PARN: variants seen among roughly 807,000 people sequenced by gnomAD.
PARN encodes the protein poly(A)-specific ribonuclease.
PARN carries 71 observed loss-of-function variants against 102.8 expected under a neutral mutation model. The ratio of observed to expected loss-of-function variants is 0.69; its 90% CI spans 0.57 to 0.84. The LOEUF (loss-of-function observed/expected upper bound fraction) is 0.84, where lower values mean the gene tolerates loss of function less well. Ranked by LOEUF, PARN falls within the 40% of genes least tolerant of loss-of-function variation. The probability of loss-of-function intolerance (pLI) is 0.00; values close to 1 mark genes in which losing one functional copy is unlikely to be tolerated. For synonymous variants in PARN, 261 were observed against 252.9 expected, an observed-to-expected ratio of 1.03 and a Z score of -0.30; for missense variants, 782 against 760.9, an observed-to-expected ratio of 1.03 and a Z score of -0.33.
intron 18 of PARN, among the ~76,000 whole-genome samples, chr16:14,577,184 G>A (rs1969196549): frequency 6.6e-6 from 1 of 152,172 alleles, no homozygotes; most frequent in African/African-American, 2.4e-5. Context: ...AAAGACTGGT[G>A]TCAAAATAAA....
intron 22 of PARN, among the ~76,000 whole-genome samples, chr16:14,464,034 G>A (rs1301545181): frequency 1.3e-5 from 2 of 152,024 alleles, no homozygotes; most frequent in Admixed American, 1.3e-4. Flanking sequence ...GAAGAGACAG[G>A]GTTTTGCCAT....
At chr16:14,595,148 G>A (rs540375587) in intron 12 of PARN, among the ~76,000 whole-genome samples, 1 of 152,212 alleles carries the variant, frequency 6.6e-6, no homozygotes, top group Non-Finnish European at 1.5e-5. Context: ...TTCTCGCGAG[G>A]TATGGGTTAG....
chr16:14,569,819 T>C (rs753573298), intron 18 of PARN, among the ~76,000 whole-genome samples: 4 of 152,072 alleles, frequency 2.6e-5, no homozygotes, highest in Non-Finnish European at 5.9e-5. Context: ...AGTTTCTGTT[T>C]GGGGTGACGA....
chr16:14,464,849 G>C (rs1347851325), intron 22 of PARN, among the ~76,000 whole-genome samples: 2 of 151,928 alleles, frequency 1.3e-5, no homozygotes, highest in Non-Finnish European at 2.9e-5. Context: ...TTGAGCCCAG[G>C]AATTGGAGAC....
In PARN at chr16:14,589,628, G is replaced by T. The variant is rs146262890; in HGVS notation, c.919-3267C>A. ...TGCCTGTAATCGCAACACTTTGGGA[G>T]GCCCAGGCAGGCGGATCACCTAAGG... is the stretch of plus-strand genomic sequence containing the variant. On this transcript the variant is annotated intron_variant, in intron 13 of 23. Coordinates refer to ENST00000437198, the MANE Select transcript of PARN (RefSeq NM_002582.4). Among the ~76,000 whole-genome samples the T allele has an allele frequency of 2.5e-3, 385 of 151,708 alleles. 4 individuals carry two copies. The highest frequency in any genetic ancestry group is 8.8e-3 in the African/African-American group (363 of 41,318).
chr16:14,448,721 A>C (rs1199319451), intron 22 of PARN, among the ~76,000 whole-genome samples: 1 of 152,250 alleles, frequency 6.6e-6, no homozygotes, highest in African/African-American at 2.4e-5. Flanking sequence ...CTCAGGGGAC[A>C]GAGGAGAAGA....
intron 18 of PARN, chr16:14,576,346 T>C (rs1969135866): frequency 6.6e-6 from 1 of 152,218 alleles, no homozygotes; most frequent in South Asian, 2.1e-4. Flanking sequence ...TCTTTTCACA[T>C]TCCAGTGCTT....
intron 22 of PARN, among the ~76,000 whole-genome samples, chr16:14,463,611 T>C (rs1012517233): frequency 1.3e-4 from 19 of 151,870 alleles, no homozygotes; most frequent in African/African-American, 4.4e-4. Context: ...CTTCTAGAAA[T>C]GAAAATTACA....
intron 21 of PARN, among the ~76,000 whole-genome samples, chr16:14,528,539 T>C (rs1305973508): frequency 1.3e-5 from 2 of 152,134 alleles, no homozygotes; most frequent in Non-Finnish European, 2.9e-5. Flanking sequence ...ACTCACACAG[T>C]CTCCATGATG....
intron 21 of PARN, among the ~76,000 whole-genome samples, chr16:14,521,161 G>C (rs529855432): frequency 6.6e-6 from 1 of 152,238 alleles, no homozygotes; most frequent in South Asian, 2.1e-4. Flanking sequence ...GTACACTTTG[G>C]CAAACCTAAA....
chr16:14,465,002 T>C (rs1007750867), intron 22 of PARN, among the ~76,000 whole-genome samples: 1 of 152,220 alleles, frequency 6.6e-6, no homozygotes, highest in South Asian at 2.1e-4. Flanking sequence ...GATGGAAATA[T>C]GTATAGAACT....
chr16:14,436,950 C>T (rs1003894467), intron 23 of PARN, among the ~76,000 whole-genome samples, 178 bp from the exon 24 acceptor site: 4 of 152,164 alleles, frequency 2.6e-5, no homozygotes, highest in African/African-American at 9.7e-5. Context: ...GAGGGCAGTG[C>T]CCAGCATGGG....
intron 10 of PARN, among the ~76,000 whole-genome samples, chr16:14,606,237 T>C (rs1050354651): frequency 3.3e-5 from 5 of 151,868 alleles, no homozygotes; most frequent in Non-Finnish European, 7.4e-5. Flanking sequence ...CTGTCTCTAC[T>C]AAAAATATAA....
At chr16:14,608,053 G>C in intron 9 of PARN, 1 of 547,590 alleles carries the variant, frequency 1.8e-6, no homozygotes, top group Non-Finnish European at 3.2e-6. Flanking sequence ...TAGCTTAACA[G>C]ATGCACCAAA....
intron 10 of PARN, among the ~76,000 whole-genome samples, chr16:14,606,012 A>G (rs1971155740): frequency 6.6e-6 from 1 of 152,128 alleles, no homozygotes; most frequent in African/African-American, 2.4e-5. Flanking sequence ...CTCAGTCCCA[A>G]TGTACAGAAG....
intron 18 of PARN, among the ~76,000 whole-genome samples, chr16:14,563,949 A>C (rs1968267525): frequency 6.6e-6 from 1 of 152,146 alleles, no homozygotes; most frequent in Non-Finnish European, 1.5e-5. Context: ...GTTCAGCCTC[A>C]GTTGATCCTC....
Position 14,619,582 on chromosome 16 carries a change from G to A in PARN, c.328-1932C>T, listed in dbSNP as rs573359031. 1.3e-4 allele frequency among the ~76,000 whole-genome samples: 20 copies of A among 152,072 alleles called. 1 individual carries two copies. The East Asian group carries it at 3.5e-3, about 26-fold the overall frequency. On this transcript the variant is annotated intron_variant, in intron 5 of 23. Coordinates refer to ENST00000437198, the MANE Select transcript of PARN (RefSeq NM_002582.4). Reference sequence around the variant, plus strand: ...TTCGAGACCAGCCTGAGTAACATAGGGAGACCCATCTCTACAAAAAATTTA... The same window carrying A: ...TTCGAGACCAGCCTGAGTAACATAGAGAGACCCATCTCTACAAAAAATTTA...
chr16:14,580,862 C>T lies in PARN; in HGVS notation c.1262+12G>A. Reference sequence around the variant, plus strand: ...GAGAGAACTTGGAAACTGGAACTCTCTGATTACTTACTTGTTAAAAAAAGG... The same window carrying T: ...GAGAGAACTTGGAAACTGGAACTCTTTGATTACTTACTTGTTAAAAAAAGG... On this transcript the variant is annotated intron_variant, in intron 18 of 23. Transcript: ENST00000437198. 7 of 1,549,940 alleles carry T rather than the reference C, an allele frequency of 4.5e-6. No homozygotes were observed. The highest frequency in any genetic ancestry group is 6.2e-6 in the Non-Finnish European group (7 of 1,122,266).
intron 21 of PARN, among the ~76,000 whole-genome samples, chr16:14,487,110 G>A (rs368670583): frequency 6.6e-6 from 1 of 152,228 alleles, no homozygotes; most frequent in Non-Finnish European, 1.5e-5. Context: ...GGATCCGAAG[G>A]CAGCATCAAC....
Sources: gnomAD v4.1 joint callset for allele counts (sites outside exome capture counted in the v4.1 genomes callset) on GRCh38, gnomAD v4.1.1 for gene constraint, MANE v1.5 for transcripts, NCBI Gene and HGNC (gene_info 2026-07-23, HGNC 2026-07-21) for gene names.